Variants in USP8 observed in about 807,000 individuals in gnomAD.
USP8 encodes ubiquitin carboxyl-terminal hydrolase 8.
Under a neutral mutation model 130.0 loss-of-function variants are expected in USP8, and 27 were observed. That is an observed-to-expected ratio of 0.21 (90% CI 0.15 to 0.29). The LOEUF is 0.29. USP8 is among the 10% of genes least tolerant of loss of function. USP8 has a pLI of 1.00. For synonymous variants in USP8, 392 were observed against 444.1 expected (o/e 0.88, Z 1.48); for missense variants, 1,029 against 1,312.2 (o/e 0.78, Z 3.33).
At chr15:50,494,853 A>G (rs2052313333) in intron 16 of USP8, among the ~76,000 whole-genome samples, 1 of 152,106 alleles carries the variant, frequency 6.6e-6, no homozygotes, top group African/African-American at 2.4e-5. Flanking sequence ...CGTCTCTACT[A>G]AAAATACAAA....
chr15:50,480,518 G>A (rs1298721820), intron 10 of USP8, among the ~76,000 whole-genome samples: 1 of 152,162 alleles, frequency 6.6e-6, no homozygotes, highest in Non-Finnish European at 1.5e-5. Context: ...CTAGTTCTAG[G>A]AACCAGGGAA....
At chr15:50,479,959 C>T (rs917993904) in intron 10 of USP8, among the ~76,000 whole-genome samples, 3 of 152,002 alleles carry the variant, frequency 2.0e-5, no homozygotes, top group Admixed American at 6.6e-5. Flanking sequence ...TGGGGTTTTG[C>T]CATGTTGCCC....
chr15:50,456,874 A>G (rs2050807896), intron 4 of USP8, among the ~76,000 whole-genome samples: 1 of 152,210 alleles, frequency 6.6e-6, no homozygotes, highest in Non-Finnish European at 1.5e-5. Context: ...CAGCAGAGCG[A>G]GACTCTGTGA....
At chr15:50,425,872 T>C (rs1378473959) in intron 1 of USP8, among the ~76,000 whole-genome samples, 1 of 152,112 alleles carries the variant, frequency 6.6e-6, no homozygotes, top group Admixed American at 6.6e-5. Flanking sequence ...TCTGTAATCC[T>C]AGCACTTTGG....
Position 50,504,172 on chromosome 15 carries a change from T to C in USP8, c.*5084T>C, listed in dbSNP as rs1056236713. ...CATAGTATTTATATTGTATTAGATA[T>C]TATAAGTAATCCAGAGATGACTTAA... is the stretch of plus-strand genomic sequence containing the variant. On this transcript the variant is annotated 3_prime_UTR_variant, in exon 20 of 20. Transcript: ENST00000307179. The C allele has an allele frequency of 1.3e-5, 2 of 152,146 alleles. No homozygotes were observed. Among genetic ancestry groups the C allele is most frequent in the African/African-American group, 4.8e-5 (2 of 41,422 alleles). The allele number at this position is 152,146 out of a possible 1,614,324, so 9.4% of individuals were successfully genotyped here. A position where few individuals can be genotyped will look rare whatever the true frequency, so the allele number is the denominator to read the frequency against.
chr15:50,497,998 A>G (rs1000169749), intron 18 of USP8, among the ~76,000 whole-genome samples: 4 of 152,130 alleles, frequency 2.6e-5, no homozygotes, highest in African/African-American at 9.6e-5. Context: ...AGTTTTTTCC[A>G]TTGTCCTAGT....
chr15:50,476,871 G>T lies in USP8; in HGVS notation c.872G>T (p.Arg291Leu), dbSNP rs766331208. 1 of 1,588,750 alleles carries T rather than the reference G, an allele frequency of 6.3e-7. No homozygotes were observed. ...TAGTGGGAAAGTAAAACTGTCCTGC[G>T]CAATGAGCCTTTGGTTTTAGAGGGA... ...LFKWESKTVL[R>L]NEPLVLEGGY... The change falls in exon 9 of 20, where the codon CGC becomes CTC. Residue 291 changes from arginine (R) to leucine (L), a missense_variant. This residue lies in a region of USP8 where 281 missense variants were observed against 336.7 expected (regional missense o/e 0.83). Coordinates refer to ENST00000307179, the MANE Select transcript of USP8 (RefSeq NM_005154.5).
chr15:50,437,093 T>C (rs1224468910), intron 1 of USP8, among the ~76,000 whole-genome samples: 1 of 152,226 alleles, frequency 6.6e-6, no homozygotes, highest in African/African-American at 2.4e-5. Flanking sequence ...TCTTCATATT[T>C]ATGTATGTTG....
At chr15:50,493,120 C>G (rs1305067908) in intron 15 of USP8, 1 of 646,582 alleles carries the variant, frequency 1.5e-6, no homozygotes. Flanking sequence ...TTGCTGCATC[C>G]TCACAGGGTA....
intron 8 of USP8, among the ~76,000 whole-genome samples, chr15:50,473,212 G>T (rs2051439350): frequency 6.6e-6 from 1 of 152,096 alleles, no homozygotes; most frequent in Non-Finnish European, 1.5e-5. Context: ...CTCAGTATTT[G>T]TGGGGGATTG....
intron 1 of USP8, 130 bp from the exon 2 acceptor site, chr15:50,438,879 T>A (rs903484904): frequency 6.7e-6 from 3 of 451,076 alleles, no homozygotes; most frequent in African/African-American, 6.2e-5. Flanking sequence ...ACTCCTGAAA[T>A]AGATATTCTA....
intron 3 of USP8, among the ~76,000 whole-genome samples, chr15:50,446,184 A>G (rs2050435954): frequency 6.6e-6 from 1 of 152,190 alleles, no homozygotes; most frequent in South Asian, 2.1e-4. Flanking sequence ...TCAGAAGCAA[A>G]CATTTTTAGT....
At chr15:50,487,655 T>G (rs1034161727) in intron 12 of USP8, among the ~76,000 whole-genome samples, 2 of 152,184 alleles carry the variant, frequency 1.3e-5, no homozygotes, top group Admixed American at 6.5e-5. Flanking sequence ...GCAAGGGTAC[T>G]CAATATATCT....
intron 4 of USP8, 56 bp downstream of exon 4, chr15:50,449,541 T>C (rs1476809486): frequency 4.0e-6 from 5 of 1,256,662 alleles, no homozygotes; most frequent in Middle Eastern, 2.8e-4. Context: ...AAAAATAATA[T>C]TTAAGATTTA....
chr15:50,428,826 G>T (rs2049830338), intron 1 of USP8, among the ~76,000 whole-genome samples: 1 of 152,074 alleles, frequency 6.6e-6, no homozygotes, highest in Non-Finnish European at 1.5e-5. Context: ...TTGCTTAAAG[G>T]AAGCAGTTTA....
intron 10 of USP8, among the ~76,000 whole-genome samples, chr15:50,481,157 T>C (rs1444926183): frequency 6.6e-6 from 1 of 152,188 alleles, no homozygotes; most frequent in Non-Finnish European, 1.5e-5. Flanking sequence ...TTTGGATACC[T>C]GGAAGTGGAA....
intron 8 of USP8, among the ~76,000 whole-genome samples, chr15:50,472,604 A>G (rs1030381123): frequency 6.6e-6 from 1 of 150,844 alleles, no homozygotes; most frequent in African/African-American, 2.4e-5. Flanking sequence ...CTGGAAAAAA[A>G]AAAAAAAAAA....
At chr15:50,479,196 G>A (rs1390905322) in intron 10 of USP8, among the ~76,000 whole-genome samples, 1 of 152,224 alleles carries the variant, frequency 6.6e-6, no homozygotes, top group African/African-American at 2.4e-5. Context: ...AGGCACTGGA[G>A]CACAGAGCAA....
chr15:50,502,772 A>C lies in USP8; in HGVS notation c.*3684A>C, dbSNP rs1163400934. ...TTCAGGCCCCCAAATAGCTGGGACT[A>C]CAGGCATACACCACCATGTCCAGAA... On this transcript the variant is annotated 3_prime_UTR_variant, in exon 20 of 20. Coordinates refer to ENST00000307179, the MANE Select transcript of USP8 (RefSeq NM_005154.5). The C allele has an allele frequency of 6.6e-6, 1 of 152,364 alleles. No individual in the cohort carries two copies. Among genetic ancestry groups the C allele is most frequent in the Non-Finnish European group, 1.5e-5 (1 of 68,178 alleles). The allele number at this position is 152,364 out of a possible 1,614,324, so 9.4% of individuals were successfully genotyped here.
Sources: allele counts gnomAD v4.1 joint callset (sites outside exome capture counted in the v4.1 genomes callset), GRCh38; gene constraint gnomAD v4.1.1; regional missense constraint gnomAD v4.1.1; transcripts MANE v1.5; gene names NCBI Gene and HGNC (gene_info 2026-07-23, HGNC 2026-07-21).